TRAF6: variants seen among roughly 807,000 people sequenced by gnomAD.
TRAF6 encodes TNF receptor-associated factor 6.
In TRAF6, 10 loss-of-function variants were observed where a neutral mutation model predicts 48.4. That is an observed-to-expected ratio of 0.21 (90% CI 0.13 to 0.35). The LOEUF is 0.35. Ranked by LOEUF, TRAF6 falls within the 10% of genes least tolerant of loss-of-function variation. The probability of loss-of-function intolerance (pLI) is 1.00; values close to 1 mark genes in which losing one functional copy is unlikely to be tolerated. For missense variants in TRAF6, 397 were observed against 661.0 expected, an observed-to-expected ratio of 0.60 and a Z score of 4.38; for synonymous variants, 186 against 219.6, an observed-to-expected ratio of 0.85 and a Z score of 1.35.
intron 1 of TRAF6, among the ~76,000 whole-genome samples, chr11:36,505,834 G>A (rs1279823444): frequency 6.6e-6 from 1 of 152,156 alleles, no homozygotes; most frequent in Non-Finnish European, 1.5e-5. Flanking sequence ...TGTCTCAGGG[G>A]AGTAGGGAGG....
rs368868327 is a variant in TRAF6, at chr11:36,496,828, C to T, written c.606+280G>A. ...TAAAATATCACACAGGAAAGCTGAT[C>T]GGCATATGCCTTTCTTAGAAGTTCT... On this transcript the variant is annotated intron_variant, in intron 4 of 6. Transcript: ENST00000526995. 1.2e-4 allele frequency among the ~76,000 whole-genome samples: 18 copies of T among 152,180 alleles called. No homozygotes were observed. The South Asian group carries it at 3.3e-3, about 28-fold the overall frequency.
intron 1 of TRAF6, among the ~76,000 whole-genome samples, chr11:36,503,211 A>T (rs1469536852): frequency 6.6e-6 from 1 of 152,202 alleles, no homozygotes; most frequent in African/African-American, 2.4e-5. Flanking sequence ...AGCTACTATT[A>T]AACATGGTCT....
rs949300138 is a variant in TRAF6, at chr11:36,490,156, T to C, written c.1251A>G (p.Glu417=). ...AGGGCCAAGGGAGGTGGCTGTCATA[T>C]TCTCCTTGCATTGTGTGGACAAAAA... ...ISLFVHTMQG[E]YDSHLPWPFQ... Residue 417 remains glutamate, a synonymous_variant, in exon 7 of 7, where the codon GAA becomes GAG. Transcript: ENST00000526995. This position sits in a 1 kb window ranked among gnomAD's most constrained non-coding sequence, Gnocchi z 6.4. 23 of 1,614,090 alleles carry C rather than the reference T, an allele frequency of 1.4e-5. No homozygotes were observed. Among genetic ancestry groups the C allele is most frequent in the Non-Finnish European group, 1.7e-5 (20 of 1,180,054 alleles).
intron 1 of TRAF6, among the ~76,000 whole-genome samples, chr11:36,507,733 A>G (rs1317993932): frequency 7.5e-6 from 1 of 134,154 alleles, no homozygotes; most frequent in Non-Finnish European, 1.6e-5. Flanking sequence ...GTATATATGT[A>G]TATATACACA....
rs1859543322 is a variant in TRAF6, at chr11:36,490,129, G to C, written c.1278C>G (p.Phe426Leu). ...GAATTGTAAGGCGTATTGTACCCTG[G>C]AAGGGCCAAGGGAGGTGGCTGTCAT... ...GEYDSHLPWPFQGTIRLTILD... is the reference protein window; with the variant it reads ...GEYDSHLPWPLQGTIRLTILD... The change falls in exon 7 of 7, where the codon TTC (phenylalanine) becomes TTG (leucine). Residue 426 changes from phenylalanine (F) to leucine (L), a missense_variant. Coordinates refer to ENST00000526995, the MANE Select transcript of TRAF6 (RefSeq NM_004620.4). The surrounding 1 kb of genome is among the most constrained non-coding windows in gnomAD (Gnocchi z 6.4). 6.2e-7 allele frequency: 1 copy of C among 1,614,032 alleles called. No individual in the cohort carries two copies.
In TRAF6 at chr11:36,510,199, G is replaced by C. The variant is rs1037399138; in HGVS notation, c.-174C>G. ...ACGGCAAACTCTGGATCCAGTGGGA[G>C]CCTTCGCCACCTTCGCTGGCCGCCC... On this transcript the variant is annotated 5_prime_UTR_variant, in exon 1 of 7. Coordinates refer to ENST00000526995, the MANE Select transcript of TRAF6 (RefSeq NM_004620.4). The C allele has an allele frequency of 6.6e-6, 1 of 152,438 alleles. No individual in the cohort carries two copies. The highest frequency in any genetic ancestry group is 3.4e-3 in the Middle Eastern group (1 of 296). 9.4% of individuals were successfully genotyped at this position (152,438 alleles called of 1,614,324 possible).
intron 2 of TRAF6, among the ~76,000 whole-genome samples, chr11:36,499,483 C>T (rs557343100): frequency 6.6e-6 from 1 of 152,204 alleles, no homozygotes; most frequent in East Asian, 1.9e-4. Context: ...CCACTACTTT[C>T]ATGAACATCT....
intron 1 of TRAF6, among the ~76,000 whole-genome samples, chr11:36,503,735 A>T (rs1859749266): frequency 6.6e-6 from 1 of 152,220 alleles, no homozygotes; most frequent in East Asian, 1.9e-4. Context: ...TAGTCACTAC[A>T]GCTGGGTCGT....
At chr11:36,508,203 T>A (rs977202488) in intron 1 of TRAF6, among the ~76,000 whole-genome samples, 1 of 151,988 alleles carries the variant, frequency 6.6e-6, no homozygotes, top group African/African-American at 2.4e-5. Flanking sequence ...CTACAGGAAT[T>A]AATGAAGGGA....
At chr11:36,502,530 T>C (rs150773279) in intron 1 of TRAF6, among the ~76,000 whole-genome samples, 138 of 152,246 alleles carry the variant, frequency 9.1e-4, no homozygotes, top group African/African-American at 2.6e-3. Flanking sequence ...AATGTAGGCC[T>C]CCAGTCATAT....
At chr11:36,493,949 G>A (rs746912923) in intron 5 of TRAF6, among the ~76,000 whole-genome samples, 1 of 152,084 alleles carries the variant, frequency 6.6e-6, no homozygotes, top group Non-Finnish European at 1.5e-5. Context: ...AATGATCTCT[G>A]GGTTTACAGA....
rs116950342 is a variant in TRAF6 at position 36,493,169 on chromosome 11, T to C, written c.679-541A>G. On this transcript the variant is annotated intron_variant, in intron 5 of 6. Coordinates refer to ENST00000526995, the MANE Select transcript of TRAF6 (RefSeq NM_004620.4). Reference sequence around the variant, plus strand: ...TTAGAAGGTACTTTAAACACATTAATAGAAGCTCTAAAAAAAGTCTCAGTC... The same window carrying C: ...TTAGAAGGTACTTTAAACACATTAACAGAAGCTCTAAAAAAAGTCTCAGTC... Among the ~76,000 whole-genome samples the C allele has an allele frequency of 4.6e-3, 704 of 152,322 alleles. 3 individuals are homozygous for C. Among genetic ancestry groups the C allele is most frequent in the Non-Finnish European group, 7.4e-3 (506 of 68,032 alleles).
chr11:36,490,594 T>G lies in TRAF6; in HGVS notation c.813A>C (p.Arg271Ser). 1 of 1,613,944 alleles carries G rather than the reference T, an allele frequency of 6.2e-7. No individual in the cohort carries two copies. Among genetic ancestry groups the G allele is most frequent in the Non-Finnish European group, 8.5e-7 (1 of 1,179,914 alleles). Residue 271 changes from arginine (R) to serine (S), a missense_variant, in exon 7 of 7, where the codon AGA becomes AGC. Arg to Ser is a moderately radical substitution (Grantham distance 110). Around this residue, in one of 4 missense-constraint regions of TRAF6, gnomAD observed 245 missense variants for 349.1 expected, o/e 0.70. Transcript: ENST00000526995. The surrounding 1 kb of genome is among the most constrained non-coding windows in gnomAD (Gnocchi z 6.4). ...AACTATGAACAGCCTGGGCCAACATTCTCATGTGTGACTGGGTGTTCTCTT... is the reference window on the plus strand; with the variant it reads ...AACTATGAACAGCCTGGGCCAACATGCTCATGTGTGACTGGGTGTTCTCTT... ...HLQENTQSHM[R>S]MLAQAVHSLS...
At chr11:36,502,084 C>T (rs748498159) in intron 1 of TRAF6, among the ~76,000 whole-genome samples, 13 of 152,144 alleles carry the variant, frequency 8.5e-5, no homozygotes, top group South Asian at 4.1e-4. Flanking sequence ...AAAAGCAGTA[C>T]GCAAGGAATC....
At position 36,488,857 on chromosome 11, in the gene TRAF6, C is replaced by T. The variant is rs1859523349; in HGVS notation, c.*981G>A. ...TTTGTTCTTTTTAATCGAAATAAACCAGAGGGTATTCAAAAGAGCTGAAAA... is the reference window on the plus strand; with the variant it reads ...TTTGTTCTTTTTAATCGAAATAAACTAGAGGGTATTCAAAAGAGCTGAAAA... On this transcript the variant is annotated 3_prime_UTR_variant, in exon 7 of 7. Transcript: ENST00000526995. 6.6e-6 allele frequency: 1 copy of T among 152,110 alleles called. No individual in the cohort carries two copies. The allele number at this position is 152,110 out of a possible 1,614,324, so 9.4% of individuals were successfully genotyped here.
intron 2 of TRAF6, among the ~76,000 whole-genome samples, chr11:36,499,356 A>C (rs763451159): frequency 2.0e-5 from 3 of 152,136 alleles, no homozygotes; most frequent in Non-Finnish European, 4.4e-5. Flanking sequence ...ATTTCAGAGC[A>C]GTTCCTTTAA....
chr11:36,509,523 G>A (rs1172741717), intron 1 of TRAF6, among the ~76,000 whole-genome samples: 1 of 152,140 alleles, frequency 6.6e-6, no homozygotes, highest in East Asian at 1.9e-4. Context: ...GAGTCGCCAG[G>A]AACGTAAAGG....
intron 1 of TRAF6, among the ~76,000 whole-genome samples, chr11:36,509,439 A>T (rs1054917300): frequency 1.3e-5 from 2 of 150,346 alleles, no homozygotes; most frequent in Admixed American, 6.6e-5. Context: ...TTTTTTTTTT[A>T]AACTCGCTGC....
Position 36,486,740 on chromosome 11 carries a change from A to G in TRAF6, c.*3098T>C, listed in dbSNP as rs1859490006. 6.6e-6 allele frequency among the ~76,000 whole-genome samples: 1 copy of G among 152,188 alleles called. No individual in the cohort carries two copies. Among genetic ancestry groups the G allele is most frequent in the Non-Finnish European group, 1.5e-5 (1 of 68,044 alleles). ...ATAAACTACCAAACTTCAAATCAAC[A>G]TTCAGACTTGTTTGCCAACAGCAAA... On this transcript the variant is annotated 3_prime_UTR_variant, in exon 7 of 7. Coordinates refer to ENST00000526995, the MANE Select transcript of TRAF6 (RefSeq NM_004620.4).
Sources: allele counts gnomAD v4.1 joint callset (sites outside exome capture counted in the v4.1 genomes callset), GRCh38; gene constraint gnomAD v4.1.1; regional missense constraint gnomAD v4.1.1; non-coding constraint Gnocchi (gnomAD v3.1); transcripts MANE v1.5; gene names NCBI Gene and HGNC (gene_info 2026-07-23, HGNC 2026-07-21).